NDUFA11: variants seen among roughly 807,000 people sequenced by gnomAD.
The protein encoded by NDUFA11 is NADH:ubiquinone oxidoreductase subunit A11, also known as NADH dehydrogenase [ubiquinone] 1 alpha subcomplex subunit 11.
Under a neutral mutation model 11.3 loss-of-function variants are expected in NDUFA11, and 14 were observed. The observed-to-expected ratio is 1.24, with a 90% CI of 0.82 to 1.94. NDUFA11 has a LOEUF of 1.94. NDUFA11 is among the 30% of genes most tolerant of loss of function. The pLI is 0.00. For missense variants in NDUFA11, 204 were observed against 200.3 expected (o/e 1.02, Z -0.11); for synonymous variants, 87 against 85.6 (o/e 1.02, Z -0.09).
downstream of NDUFA11, chr19:5,892,991 C>A: frequency 1.3e-6 from 2 of 1,523,600 alleles, no homozygotes; most frequent in Non-Finnish European, 8.8e-7. Flanking sequence ...AGGGCCCCTG[C>A]CCCTCTGGGT....
Position 5,901,191 on chromosome 19 carries a change from G to T in NDUFA11, c.97+2421C>A. 3 of 758,568 alleles carry T rather than the reference G, an allele frequency of 4.0e-6. No homozygotes were observed. The South Asian group carries it at 6.6e-5, about 17-fold the overall frequency. The allele number at this position is 758,568 out of a possible 1,614,324, so 47.0% of individuals were successfully genotyped here. A position where few individuals can be genotyped will look rare whatever the true frequency, so the allele number is the denominator to read the frequency against. On this transcript the variant is annotated intron_variant, in intron 1 of 3. Coordinates refer to ENST00000308961, the MANE Select transcript of NDUFA11 (RefSeq NM_175614.5). ...TCTCCTCCAAAGGCCTCCTGAGACC[G>T]CAGCCCACTCATTTTGTATTCACAC...
At chr19:5,897,684 G>A (rs768934262) in intron 1 of NDUFA11, among the ~76,000 whole-genome samples, 15 of 152,212 alleles carry the variant, frequency 9.9e-5, no homozygotes, top group Non-Finnish European at 1.8e-4. Context: ...TTCCCAGGCC[G>A]CCTGGCCCCT....
At chr19:5,894,519 G>C (rs1213189548), downstream of NDUFA11, 7 of 929,232 alleles carry the variant, frequency 7.5e-6, no homozygotes, top group Middle Eastern at 3.3e-4. Context: ...TGCACTACCA[G>C]TTCTGTGGGG....
At chr19:5,894,955 C>T in intron 3 of NDUFA11, 101 bp from the exon 4 acceptor site, 1 of 1,302,004 alleles carries the variant, frequency 7.7e-7, no homozygotes, top group South Asian at 1.4e-5. Context: ...AGACTGAGAC[C>T]CCTGACAGGA....
At chr19:5,901,227 C>T in intron 1 of NDUFA11, 2 of 1,044,638 alleles carry the variant, frequency 1.9e-6, no homozygotes, top group Non-Finnish European at 2.5e-6. Context: ...ATGAGGAATG[C>T]ACACACTCTC....
chr19:5,902,121 AC>A (rs1207415793), intron 1 of NDUFA11, among the ~76,000 whole-genome samples: 1 of 147,422 alleles, frequency 6.8e-6, no homozygotes, highest in Non-Finnish European at 1.5e-5. Flanking sequence ...GACTACAGGC[AC>A]CCGCCATCAT....
chr19:5,892,871 T>G (rs1224932735), downstream of NDUFA11: 3 of 1,399,930 alleles, frequency 2.1e-6, no homozygotes, highest in Non-Finnish European at 2.8e-6. Context: ...GTGGGAAAGC[T>G]GAGGCCTGGG....
At chr19:5,894,288 G>C (rs1178374110), downstream of NDUFA11, among the ~76,000 whole-genome samples, 1 of 152,228 alleles carries the variant, frequency 6.6e-6, no homozygotes, top group Non-Finnish European at 1.5e-5. Context: ...CATGTTGTTG[G>C]CTTTGGGGAC....
downstream of NDUFA11, chr19:5,893,418 T>C: frequency 1.7e-6 from 1 of 574,918 alleles, no homozygotes; most frequent in Non-Finnish European, 3.1e-6. The surrounding 1 kb of genome is among the most constrained non-coding windows in gnomAD (Gnocchi z 4.1). Flanking sequence ...TGAGCCATGA[T>C]CCTGCCACTG....
At chr19:5,892,880 G>A (rs941521380), downstream of NDUFA11, 1 of 1,410,098 alleles carries the variant, frequency 7.1e-7, no homozygotes, top group Non-Finnish European at 9.2e-7. Flanking sequence ...CTGAGGCCTG[G>A]GTGCTGCCGT....
At chr19:5,894,645 C>G, downstream of NDUFA11, 1 of 1,547,858 alleles carries the variant, frequency 6.5e-7, no homozygotes, top group Non-Finnish European at 8.7e-7. Flanking sequence ...GCTGCTGTGT[C>G]GCCGTCATCA....
intron 3 of NDUFA11, chr19:5,895,376 A>G (rs2057601427): frequency 6.4e-6 from 1 of 157,008 alleles, no homozygotes; most frequent in Admixed American, 6.1e-5. Context: ...CACTCTTTGA[A>G]GAGAGACAGG....
downstream of NDUFA11, chr19:5,892,850 C>T (rs1166460949): frequency 1.4e-6 from 2 of 1,393,144 alleles, no homozygotes; most frequent in Non-Finnish European, 1.9e-6. Context: ...GCCCTTATTC[C>T]CATTTACCAG....
At chr19:5,897,864 G>A (rs542047329) in intron 1 of NDUFA11, among the ~76,000 whole-genome samples, 3 of 152,254 alleles carry the variant, frequency 2.0e-5, no homozygotes, top group East Asian at 3.9e-4. Context: ...CCCAGAGCCC[G>A]CCCAGCTTCA....
intron 3 of NDUFA11, 43 bp from the exon 4 acceptor site, chr19:5,894,897 G>C: frequency 6.4e-7 from 1 of 1,550,892 alleles, no homozygotes. Context: ...GTGGGGCTCG[G>C]CCGGACCAAG....
Position 5,896,527 on chromosome 19 carries a change from A to G in NDUFA11, c.239T>C (p.Val80Ala), listed in dbSNP as rs768802877. The G allele has an allele frequency of 2.4e-5, 38 of 1,569,652 alleles. No homozygotes were observed. Among genetic ancestry groups the G allele is most frequent in the Non-Finnish European group, 3.1e-5 (36 of 1,157,930 alleles). Residue 80 changes from valine (V) to alanine (A), a missense_variant, in exon 3 of 4, where the codon GTC (valine) becomes GCC (alanine). Val to Ala is a moderately conservative substitution (Grantham distance 64). Coordinates refer to ENST00000308961, the MANE Select transcript of NDUFA11 (RefSeq NM_175614.5). This position sits in a 1 kb window ranked among gnomAD's most constrained non-coding sequence, Gnocchi z 5.8. The part of the protein sequence containing the change: ...FGLTTCISAH[V>A]REKPDDPLNY... Reference sequence around the variant, plus strand: ...CAGGGGGTCGTCGGGCTTCTCGCGGACATGGGCGCTGATGCAGGTGGTGAG... The same window carrying G: ...CAGGGGGTCGTCGGGCTTCTCGCGGGCATGGGCGCTGATGCAGGTGGTGAG...
chr19:5,894,781 C>T lies in NDUFA11; in HGVS notation c.387G>A (p.Arg129=), dbSNP rs2144947247. Residue 129 remains arginine (R), a synonymous_variant, in exon 4 of 4, where the codon CGG becomes CGA. Coordinates refer to ENST00000308961, the MANE Select transcript of NDUFA11 (RefSeq NM_175614.5). ...TTGCAAACACCTCCCAGCCCTCCAGCCGGCCCATCTTGACCAGGGAGGCCG... is the reference window on the plus strand; with the variant it reads ...TTGCAAACACCTCCCAGCCCTCCAGTCGGCCCATCTTGACCAGGGAGGCCG... The part of the protein sequence containing the change: ...GIAASLVKMG[R]LEGWEVFAKP... The T allele has an allele frequency of 1.2e-6, 2 of 1,613,676 alleles. No individual in the cohort carries two copies. Among genetic ancestry groups the T allele is most frequent in the Non-Finnish European group, 1.7e-6 (2 of 1,179,854 alleles).
Position 5,903,589 on chromosome 19 carries a change from C to G in NDUFA11, c.97+23G>C, listed in dbSNP as rs1462538162. ...CTCCCTGCGGCCTCGGCCCTCCACC[C>G]TCGGGGCCCGGCCGGCGCTCACCAG... On this transcript the variant is annotated intron_variant, in intron 1 of 3. Transcript: ENST00000308961. The G allele has an allele frequency of 1.9e-6, 3 of 1,547,634 alleles. No homozygotes were observed. In the Admixed American group the frequency reaches 5.9e-5, roughly 30 times the overall value.
chr19:5,899,187 T>G (rs1286325903), intron 1 of NDUFA11, among the ~76,000 whole-genome samples: 4 of 150,570 alleles, frequency 2.7e-5, no homozygotes, highest in Non-Finnish European at 5.9e-5. Flanking sequence ...TCTCGCTCTG[T>G]CGCCCAGGCT....
Sources: gnomAD v4.1 joint callset for allele counts (sites outside exome capture counted in the v4.1 genomes callset) on GRCh38, gnomAD v4.1.1 for gene constraint, Gnocchi (gnomAD v3.1) non-coding constraint, MANE v1.5 for transcripts, NCBI Gene and HGNC (gene_info 2026-07-23, HGNC 2026-07-21) for gene names.